The following TMPRSS15 variants were observed in gnomAD, a reference collection of about 807,000 sequenced individuals.
TMPRSS15 encodes transmembrane serine protease 15.
A neutral mutation model predicts 125.3 loss-of-function variants in TMPRSS15; 128 were observed. The ratio of observed to expected loss-of-function variants is 1.02; its 90% CI spans 0.89 to 1.18. TMPRSS15 has a LOEUF of 1.18. Among genes scored for constraint, TMPRSS15 ranks in the 50% most tolerant of loss-of-function variants. The pLI, the probability that TMPRSS15 is intolerant of heterozygous loss-of-function variation, is 0.00. For missense variants in TMPRSS15, 1,283 were observed against 1,212.7 expected (o/e 1.06, Z -0.86); for synonymous variants, 446 against 423.2 (o/e 1.05, Z -0.66).
chr21:18,338,819 C>A (rs2146980921), intron 13 of TMPRSS15, among the ~76,000 whole-genome samples: 1 of 152,224 alleles, frequency 6.6e-6, no homozygotes, highest in East Asian at 1.9e-4. Context: ...CAGTCATACA[C>A]TGGTAAAGCA....
chr21:18,398,399 T>C, intron 1 of TMPRSS15, 70 bp from the exon 2 acceptor site: 1 of 1,522,938 alleles, frequency 6.6e-7, no homozygotes. Flanking sequence ...GCACATTCTG[T>C]TAAGACATAG....
chr21:18,289,332 G>C (rs959458963), intron 21 of TMPRSS15, among the ~76,000 whole-genome samples: 8 of 152,254 alleles, frequency 5.3e-5, no homozygotes, highest in Admixed American at 4.6e-4. Flanking sequence ...GACCAACATG[G>C]AGAAACCCCG....
chr21:18,381,031 T>G (rs982858918), intron 4 of TMPRSS15, among the ~76,000 whole-genome samples: 1 of 152,086 alleles, frequency 6.6e-6, no homozygotes, highest in Admixed American at 6.6e-5. Flanking sequence ...AAAAAGTGCT[T>G]TGCACATAGA....
At chr21:18,409,611 G>C (rs1380229493) in intron 1 of TMPRSS15, among the ~76,000 whole-genome samples, 1 of 151,954 alleles carries the variant, frequency 6.6e-6, no homozygotes, top group Non-Finnish European at 1.5e-5. Flanking sequence ...ACAAATTTGT[G>C]TAATGCTGTT....
At chr21:18,396,652 T>C (rs537975834) in intron 3 of TMPRSS15, among the ~76,000 whole-genome samples, 1 of 151,512 alleles carries the variant, frequency 6.6e-6, no homozygotes, top group Non-Finnish European at 1.5e-5. Flanking sequence ...CGGGCACCTG[T>C]AGTCTCAGCT....
intron 17 of TMPRSS15, 31 bp from the exon 18 acceptor site, chr21:18,313,108 C>T (rs747069529): frequency 3.3e-6 from 5 of 1,515,376 alleles, no homozygotes; most frequent in Non-Finnish European, 4.6e-6. Flanking sequence ...ATGGTAGTTA[C>T]CAGAGACTGA....
chr21:18,296,271 G>A (rs1382415137), intron 19 of TMPRSS15, among the ~76,000 whole-genome samples: 2 of 152,036 alleles, frequency 1.3e-5, no homozygotes, highest in Admixed American at 1.3e-4. Context: ...ACTAGCGCAA[G>A]GGCATTTTCA....
chr21:18,476,663 T>C (rs1010769669), intron 1 of TMPRSS15, among the ~76,000 whole-genome samples: 10 of 152,152 alleles, frequency 6.6e-5, no homozygotes, highest in African/African-American at 2.2e-4. Context: ...CATATACCCA[T>C]GTCATCACAG....
rs778411173 is a variant in TMPRSS15 at position 18,270,102 on chromosome 21, A to G, written c.2927T>C (p.Met976Thr). ...GAACCACCTGTTGTTTTCTTGGCAC[A>G]TTAATGGTCCTCCTGAATCCCCCTA... ...SCQGDSGGPL[M>T]CQENNRWFLA... is the part of the protein sequence containing the mutation. Residue 976 changes from methionine (M) to threonine (T), a missense_variant, in exon 25 of 25, where the codon ATG becomes ACG. By Grantham distance (81) the Met-to-Thr change is moderately conservative. Coordinates refer to ENST00000284885, the MANE Select transcript of TMPRSS15 (RefSeq NM_002772.3). 1.9e-6 allele frequency: 3 copies of G among 1,614,054 alleles called. No individual in the cohort carries two copies. Among genetic ancestry groups the G allele is most frequent in the Non-Finnish European group, 2.5e-6 (3 of 1,179,920 alleles).
chr21:18,292,766 T>C (rs997086), intron 21 of TMPRSS15, among the ~76,000 whole-genome samples: 143,397 of 152,326 alleles, frequency 0.94, 67,629 homozygotes, highest in East Asian at 1. Context: ...ACAGATGTTA[T>C]GCTATCCGTG....
intron 5 of TMPRSS15, 84 bp from the exon 6 acceptor site, chr21:18,372,408 G>T (rs940573156): frequency 1.5e-5 from 19 of 1,229,070 alleles, no homozygotes; most frequent in East Asian, 1.3e-4. Context: ...TGCCACTGGG[G>T]TTCTTACTTA....
Position 18,305,424 on chromosome 21 carries a change from G to T in TMPRSS15, c.2165+7521C>A, listed in dbSNP as rs371406500. On this transcript the variant is annotated intron_variant, in intron 18 of 24. Coordinates refer to ENST00000284885, the MANE Select transcript of TMPRSS15 (RefSeq NM_002772.3). ...AGGATGGTCTCCATCTCCTGACCTC[G>T]TGATCCGCCCTTCTCGGCCTCCCAA... Among the ~76,000 whole-genome samples the T allele has an allele frequency of 3.3e-5, 5 of 151,978 alleles. 1 individual carries two copies. The highest frequency in any genetic ancestry group is 7.4e-5 in the Non-Finnish European group (5 of 67,984).
intron 13 of TMPRSS15, among the ~76,000 whole-genome samples, chr21:18,340,921 A>C (rs1222607054): frequency 1.3e-5 from 2 of 152,174 alleles, no homozygotes; most frequent in Non-Finnish European, 2.9e-5. Context: ...TTCATTGTGG[A>C]TTTATGTGTA....
chr21:18,303,412 G>C (rs1364061255), intron 18 of TMPRSS15, among the ~76,000 whole-genome samples: 1 of 151,982 alleles, frequency 6.6e-6, no homozygotes, highest in Admixed American at 6.6e-5. Context: ...AGGAAAAAGG[G>C]GATATTATTT....
intron 1 of TMPRSS15, among the ~76,000 whole-genome samples, chr21:18,470,640 A>G (rs1215188916): frequency 6.6e-6 from 1 of 151,842 alleles, no homozygotes; most frequent in African/African-American, 2.4e-5. Context: ...AGTTGCACAG[A>G]CTCTTTATTC....
upstream of TMPRSS15, among the ~76,000 whole-genome samples, chr21:18,407,058 A>G (rs2076153742): frequency 6.6e-6 from 1 of 152,182 alleles, no homozygotes; most frequent in Non-Finnish European, 1.5e-5. Flanking sequence ...TGCACAGCCT[A>G]AAGTAGAAAA....
At chr21:18,421,536 G>A (rs1336471530) in intron 1 of TMPRSS15, among the ~76,000 whole-genome samples, 1 of 151,996 alleles carries the variant, frequency 6.6e-6, no homozygotes, top group South Asian at 2.1e-4. Flanking sequence ...TCTTTCTTAG[G>A]GTTCATTAAT....
chr21:18,339,146 G>A (rs907569036), intron 13 of TMPRSS15, among the ~76,000 whole-genome samples: 1 of 152,014 alleles, frequency 6.6e-6, no homozygotes, highest in Non-Finnish European at 1.5e-5. Context: ...CATCTGCAGT[G>A]TTTAGCAGAT....
chr21:18,451,805 C>T (rs1011844149), intron 1 of TMPRSS15, among the ~76,000 whole-genome samples: 2 of 152,166 alleles, frequency 1.3e-5, no homozygotes, highest in African/African-American at 2.4e-5. Context: ...GAAGATACTA[C>T]ACATTTTTGA....
Sources: allele counts gnomAD v4.1 joint callset (sites outside exome capture counted in the v4.1 genomes callset), GRCh38; gene constraint gnomAD v4.1.1; transcripts MANE v1.5; gene names NCBI Gene and HGNC (gene_info 2026-07-23, HGNC 2026-07-21).